Variants in DEFB124 observed in about 807,000 individuals in gnomAD.
DEFB124 encodes beta-defensin 124.
For synonymous variants in DEFB124, 38 were observed against 36.5 expected (o/e 1.04, Z -0.15); for missense variants, 78 against 83.1 (o/e 0.94, Z 0.24).
In DEFB124 at chr20:31,467,953, A is replaced by G. The variant is rs144300374; in HGVS notation, c.59-2290T>C. ...TTTTTTGTAGAGATGGGGTCTCCCT[A>G]TGTTGCCCATGCTGGTCTCGAAGTC... On this transcript the variant is annotated intron_variant, in intron 2 of 2. Coordinates refer to ENST00000317676, the MANE Select transcript of DEFB124 (RefSeq NM_001037500.2). Among the ~76,000 whole-genome samples the G allele has an allele frequency of 2.6e-3, 395 of 152,190 alleles. 2 individuals are homozygous for G. The highest frequency in any genetic ancestry group is 0.019 in the East Asian group (97 of 5,176).
intron 2 of DEFB124, among the ~76,000 whole-genome samples, chr20:31,470,397 C>T (rs1416421531): frequency 1.4e-5 from 2 of 142,700 alleles, no homozygotes; most frequent in African/African-American, 2.6e-5. Context: ...CCCCCACCTC[C>T]CTCCCGGACG....
chr20:31,474,686 C>A lies in DEFB124; in HGVS notation c.-85G>T, dbSNP rs775922737. Among the ~76,000 whole-genome samples the A allele has an allele frequency of 1.8e-4, 28 of 152,094 alleles. No individual in the cohort carries two copies. The highest frequency in any genetic ancestry group is 3.2e-4 in the Non-Finnish European group (22 of 68,020). On this transcript the variant is annotated 5_prime_UTR_variant, in exon 1 of 3. Coordinates refer to ENST00000317676, the MANE Select transcript of DEFB124 (RefSeq NM_001037500.2). ...GAAACAGTAGACAGAGTGGCAGAGACCTCAGGCCCAGGCCCAGCTAAGCCT... is the reference window on the plus strand; with the variant it reads ...GAAACAGTAGACAGAGTGGCAGAGAACTCAGGCCCAGGCCCAGCTAAGCCT...
chr20:31,473,160 C>T (rs922058036), intron 1 of DEFB124, 122 bp from the exon 2 acceptor site: 7 of 784,372 alleles, frequency 8.9e-6, no homozygotes, highest in Non-Finnish European at 1.4e-5. Context: ...GAGTATGAGG[C>T]CATGTGGTCC....
chr20:31,472,445 A>AGGGGAGG (rs1179925772), intron 2 of DEFB124, among the ~76,000 whole-genome samples: 7 of 123,436 alleles, frequency 5.7e-5, no homozygotes, highest in African/African-American at 2.2e-4. Context: ...GAGAAGGGAG[A>AGGGGAGG]GGGGAGAGGG....
chr20:31,472,722 C>T, intron 2 of DEFB124: 1 of 453,476 alleles, frequency 2.2e-6, no homozygotes, highest in Non-Finnish European at 3.9e-6. Context: ...TATTTCACAA[C>T]CATCATAACA....
chr20:31,467,916 C>T (rs899855857), intron 2 of DEFB124, among the ~76,000 whole-genome samples: 1 of 152,114 alleles, frequency 6.6e-6, no homozygotes, highest in African/African-American at 2.4e-5. Context: ...CTATACCCAA[C>T]TAATCTTTTT....
chr20:31,470,779 C>A, intron 2 of DEFB124, among the ~76,000 whole-genome samples: 1 of 131,142 alleles, frequency 7.6e-6, no homozygotes, highest in African/African-American at 2.9e-5. Flanking sequence ...GTAGGGGCGG[C>A]TGGGCAGAGG....
At chr20:31,467,801 G>T (rs1374842959) in intron 2 of DEFB124, among the ~76,000 whole-genome samples, 1 of 151,912 alleles carries the variant, frequency 6.6e-6, no homozygotes, top group Non-Finnish European at 1.5e-5. Context: ...TGCCCAGGCT[G>T]GAGTGCAGTA....
intron 2 of DEFB124, among the ~76,000 whole-genome samples, chr20:31,471,320 C>T (rs1980289695): frequency 1.2e-5 from 1 of 86,858 alleles, no homozygotes; most frequent in Non-Finnish European, 2.6e-5. Context: ...GGCTGACCCC[C>T]CCCACCTCCC....
At chr20:31,471,082 T>G (rs1366840843) in intron 2 of DEFB124, among the ~76,000 whole-genome samples, 144 of 62,604 alleles carry the variant, frequency 2.3e-3, no homozygotes, top group East Asian at 3.6e-3. Context: ...CTCCCGGACG[T>G]GGGGCTGACC....
intron 2 of DEFB124, among the ~76,000 whole-genome samples, chr20:31,470,303 GT>G (rs1323476924): frequency 2.1e-5 from 3 of 140,432 alleles, no homozygotes; most frequent in Non-Finnish European, 4.7e-5. Flanking sequence ...GGGCAGAGGG[GT>G]TCCTCACTTC....
At position 31,465,579 on chromosome 20, in the gene DEFB124, C is replaced by T. The variant is rs1411014894; in HGVS notation, c.143G>A (p.Cys48Tyr). 1.2e-6 allele frequency: 2 copies of T among 1,614,202 alleles called. No homozygotes were observed. The highest frequency in any genetic ancestry group is 1.7e-6 in the Non-Finnish European group (2 of 1,180,038). ...CTRQETYMHL[C>Y]PDASLCCLSY... ...GAGACAGCACAGGGACGCATCCGGG[C>T]ACAGGTGCATGTAAGTTTCTTGCCT... Residue 48 changes from cysteine to tyrosine, a missense_variant, in exon 3 of 3, where the codon TGC becomes TAC. Coordinates refer to ENST00000317676, the MANE Select transcript of DEFB124 (RefSeq NM_001037500.2).
At chr20:31,469,965 A>T (rs1260436148) in intron 2 of DEFB124, among the ~76,000 whole-genome samples, 1 of 149,832 alleles carries the variant, frequency 6.7e-6, no homozygotes, top group South Asian at 2.1e-4. Context: ...GCTGTTGGGT[A>T]CACCTCCCAG....
chr20:31,472,968 G>T lies in DEFB124; in HGVS notation c.46C>A (p.His16Asn). The T allele has an allele frequency of 1.2e-6, 2 of 1,613,858 alleles. No homozygotes were observed. Among genetic ancestry groups the T allele is most frequent in the South Asian group, 2.2e-5 (2 of 91,020 alleles). Residue 16 changes from histidine to asparagine, a missense_variant, in exon 2 of 3, where the codon CAT becomes AAT. Transcript: ENST00000317676. ...ACGATGTTGTTACCTGATGGCACAT[G>T]ACCCAGAACCAGGAGAGCCACAAGG... ...LFLVALLVLG[H>N]VPSGRSEFKR...
chr20:31,471,061 C>T (rs1980272534), intron 2 of DEFB124, among the ~76,000 whole-genome samples: 1 of 140,070 alleles, frequency 7.1e-6, no homozygotes, highest in Admixed American at 6.9e-5. Flanking sequence ...GGGCTGACCC[C>T]CCCCACCTCC....
intron 2 of DEFB124, among the ~76,000 whole-genome samples, chr20:31,469,915 C>T (rs1271185352): frequency 6.7e-6 from 1 of 149,316 alleles, no homozygotes; most frequent in Non-Finnish European, 1.5e-5. Context: ...CCTTTCTATT[C>T]CACAAAACCG....
In DEFB124 at chr20:31,465,502, C is replaced by T; in HGVS notation, c.*4G>A. On this transcript the variant is annotated 3_prime_UTR_variant, in exon 3 of 3. Transcript: ENST00000317676. ...CCTGTGTTTTATTGGACAGCAGGAACCAGCTACTCATATTCATGCTTGGGG... is the reference window on the plus strand; with the variant it reads ...CCTGTGTTTTATTGGACAGCAGGAATCAGCTACTCATATTCATGCTTGGGG... 1 of 1,613,906 alleles carries T rather than the reference C, an allele frequency of 6.2e-7. No homozygotes were observed. Among genetic ancestry groups the T allele is most frequent in the South Asian group, 1.1e-5 (1 of 91,048 alleles).
Position 31,465,495 on chromosome 20 carries a change from G to C in DEFB124, c.*11C>G, listed in dbSNP as rs766560303. ...CTGGCAACCTGTGTTTTATTGGACA[G>C]CAGGAACCAGCTACTCATATTCATG... On this transcript the variant is annotated 3_prime_UTR_variant, in exon 3 of 3. Coordinates refer to ENST00000317676, the MANE Select transcript of DEFB124 (RefSeq NM_001037500.2). 6.2e-7 allele frequency: 1 copy of C among 1,613,878 alleles called. No homozygotes were observed. The highest frequency in any genetic ancestry group is 1.1e-5 in the South Asian group (1 of 91,034).
intron 2 of DEFB124, among the ~76,000 whole-genome samples, chr20:31,465,895 G>A (rs945349783): frequency 2.0e-5 from 3 of 152,220 alleles, no homozygotes; most frequent in Admixed American, 1.3e-4. Context: ...GGTGGCTCAC[G>A]CCTGTAATCC....
Sources: gnomAD v4.1 joint callset for allele counts (sites outside exome capture counted in the v4.1 genomes callset) on GRCh38, gnomAD v4.1.1 for gene constraint, MANE v1.5 for transcripts, NCBI Gene and HGNC (gene_info 2026-07-23, HGNC 2026-07-21) for gene names.